The following SLC25A48 variants were observed in gnomAD, a reference collection of about 807,000 sequenced individuals.
The protein encoded by SLC25A48 is CTC-321K16.1.
In SLC25A48, 29 loss-of-function variants were observed where a neutral mutation model predicts 32.2. That is an observed-to-expected ratio of 0.90 (90% CI 0.67 to 1.23). The LOEUF (loss-of-function observed/expected upper bound fraction) is 1.23, where lower values mean the gene tolerates loss of function less well. SLC25A48 is among the 50% of genes most tolerant of loss of function. The pLI is 0.00. For missense variants in SLC25A48, 399 were observed against 422.7 expected, an observed-to-expected ratio of 0.94 and a Z score of 0.49; for synonymous variants, 164 against 172.3, an observed-to-expected ratio of 0.95 and a Z score of 0.38.
intron 1 of SLC25A48, among the ~76,000 whole-genome samples, chr5:135,627,793 A>AT (rs5871570): frequency 1 from 152,229 of 152,230 alleles, 76,114 homozygotes; most frequent in Middle Eastern, 1. Flanking sequence ...GGAGGGCATC[A>AT]TGAATGCCCT....
intron 1 of SLC25A48, among the ~76,000 whole-genome samples, chr5:135,606,253 A>G (rs1045430240): frequency 6.6e-6 from 1 of 152,228 alleles, no homozygotes; most frequent in African/African-American, 2.4e-5. Context: ...TTGCAAGGCT[A>G]TCTTGACAAG....
intron 3 of SLC25A48, among the ~76,000 whole-genome samples, chr5:135,715,231 A>G (rs1260191079): frequency 2.0e-5 from 3 of 152,154 alleles, no homozygotes; most frequent in Non-Finnish European, 4.4e-5. Flanking sequence ...TGATATTTAC[A>G]ATGGGTTCCT....
At chr5:135,714,379 C>G (rs150936726) in intron 3 of SLC25A48, among the ~76,000 whole-genome samples, 319 of 152,350 alleles carry the variant, frequency 2.1e-3, no homozygotes, top group African/African-American at 7.5e-3. Context: ...CCAGATGTCT[C>G]TCCCCATGCA....
chr5:135,751,460 C>T (rs1003236543), intron 3 of SLC25A48, among the ~76,000 whole-genome samples: 1 of 152,140 alleles, frequency 6.6e-6, no homozygotes, highest in Non-Finnish European at 1.5e-5. Flanking sequence ...ACACAGAGGA[C>T]ACAAGCCAGG....
chr5:135,816,163 C>T (rs565654898), intron 4 of SLC25A48, among the ~76,000 whole-genome samples: 9 of 152,216 alleles, frequency 5.9e-5, no homozygotes, highest in East Asian at 5.8e-4. Flanking sequence ...AAGAACAGCA[C>T]GGGGGAAACC....
At chr5:135,600,461 ATCT>A (rs757343525) in intron 1 of SLC25A48, among the ~76,000 whole-genome samples, 4 of 152,170 alleles carry the variant, frequency 2.6e-5, no homozygotes, top group African/African-American at 4.8e-5. Context: ...CAGGGAACAC[ATCT>A]TCTCTTCTCC....
chr5:135,582,880 C>G (rs1148362), intron 1 of SLC25A48, among the ~76,000 whole-genome samples: 6,370 of 152,268 alleles, frequency 0.042, 204 homozygotes, highest in Non-Finnish European at 0.062. Context: ...ACGAGCATAC[C>G]CCCAACAACA....
chr5:135,842,599 G>C (rs547947438), intron 2 of SLC25A48, 140 bp downstream of exon 2: 2 of 840,544 alleles, frequency 2.4e-6, no homozygotes, highest in East Asian at 5.0e-5. Context: ...AGGGGGTGTT[G>C]GGTGCCAGGA....
chr5:135,795,845 A>G (rs560631004), intron 3 of SLC25A48, among the ~76,000 whole-genome samples: 1 of 148,506 alleles, frequency 6.7e-6, no homozygotes, highest in East Asian at 2.0e-4. Context: ...ATTACTCCCC[A>G]TATCGCTGGA....
chr5:135,789,206 G>GTTGCGGTGAGTGTACACCCCCC (rs1580881634), intron 3 of SLC25A48, among the ~76,000 whole-genome samples: 1 of 138,382 alleles, frequency 7.2e-6, no homozygotes, highest in African/African-American at 2.7e-5. Flanking sequence ...ACCCTCCCCC[G>GTTGCGGTGAGTGTACACCCCCC]CCACGATATG....
In SLC25A48 at chr5:135,771,960, G is replaced by C. The variant is rs149379717; in HGVS notation, c.-520-40563G>C. On this transcript the variant is annotated intron_variant, in intron 3 of 10. Coordinates refer to the SLC25A48 transcript ENST00000646290. ...CTGTAATATTGTATGTAATATACAG[G>C]GGCAAAGAGGGTGATATCACTCCCA... Among the ~76,000 whole-genome samples the C allele has an allele frequency of 5.1e-3, 768 of 150,858 alleles. 4 individuals are homozygous for C. Among genetic ancestry groups the C allele is most frequent in the African/African-American group, 0.018 (738 of 41,140 alleles).
chr5:135,793,801 T>C (rs867036473), intron 3 of SLC25A48, among the ~76,000 whole-genome samples: 1 of 151,854 alleles, frequency 6.6e-6, no homozygotes, highest in African/African-American at 2.4e-5. Context: ...ACTCTCCTAA[T>C]ATCACAGTAG....
chr5:135,794,578 G>A (rs1023695164), intron 3 of SLC25A48, among the ~76,000 whole-genome samples: 5 of 151,690 alleles, frequency 3.3e-5, no homozygotes, highest in African/African-American at 7.3e-5. Flanking sequence ...TGCAGAAGGT[G>A]TACACTCCCC....
chr5:135,760,551 C>T (rs974515465), intron 3 of SLC25A48, among the ~76,000 whole-genome samples: 3 of 152,204 alleles, frequency 2.0e-5, no homozygotes, highest in African/African-American at 7.2e-5. Flanking sequence ...GAGTGGACTG[C>T]TCTCTGCAGG....
At chr5:135,872,672 C>T (rs1350307629) in intron 5 of SLC25A48, 1 of 152,252 alleles carries the variant, frequency 6.6e-6, no homozygotes, top group African/African-American at 2.4e-5. Flanking sequence ...CCAGAAGGGC[C>T]TTTGGAAGCC....
chr5:135,786,106 A>G (rs34594554), intron 3 of SLC25A48, among the ~76,000 whole-genome samples: 37,504 of 150,322 alleles, frequency 0.25, 5,064 homozygotes, highest in East Asian at 0.44. Context: ...GGAGGGTGAT[A>G]TTACTCCCCA....
rs548803878 is a variant in SLC25A48 at position 135,876,338 on chromosome 5, A to G, written c.813+2184A>G. 3.3e-5 allele frequency: 5 copies of G among 151,964 alleles called. No individual in the cohort carries two copies. In the South Asian group the frequency reaches 1.0e-3, roughly 32 times the overall value. The allele number at this position is 151,964 out of a possible 1,614,324, so 9.4% of individuals were successfully genotyped here. On this transcript the variant is annotated intron_variant, in intron 6 of 7. Coordinates refer to ENST00000681962, the MANE Select transcript of SLC25A48 (RefSeq NM_001349336.2). Reference sequence around the variant, plus strand: ...ATTGCTGATATTATTTCCTCTGAAAATTACTGTGCTCTTTTAAAAAAATGA... The same window carrying G: ...ATTGCTGATATTATTTCCTCTGAAAGTTACTGTGCTCTTTTAAAAAAATGA...
intron 1 of SLC25A48, chr5:135,609,375 A>G (rs1752013459): frequency 6.6e-6 from 1 of 152,350 alleles, no homozygotes; most frequent in African/African-American, 2.4e-5. Context: ...CTGCTGTTTC[A>G]TGAGAAGAGA....
intron 1 of SLC25A48, among the ~76,000 whole-genome samples, chr5:135,836,958 A>AT (rs1429509969): frequency 5.9e-5 from 2 of 34,108 alleles, no homozygotes; most frequent in Non-Finnish European, 1.1e-4. Context: ...TTTTGATATT[A>AT]TCCCCCCCCC....
Sources: gnomAD v4.1 joint callset for allele counts (sites outside exome capture counted in the v4.1 genomes callset) on GRCh38, gnomAD v4.1.1 for gene constraint, MANE v1.5 for transcripts, NCBI Gene and HGNC (gene_info 2026-07-23, HGNC 2026-07-21) for gene names.